PSD3: variants seen among roughly 807,000 people sequenced by gnomAD.
The protein encoded by PSD3 is PH and SEC7 domain-containing protein 3.
Under a neutral mutation model 105.5 loss-of-function variants are expected in PSD3, and 49 were observed. That is an observed-to-expected ratio of 0.46 (90% CI 0.37 to 0.59). PSD3 has a LOEUF of 0.59. PSD3 is among the 20% of genes least tolerant of loss of function. The pLI, the probability that PSD3 is intolerant of heterozygous loss-of-function variation, is 0.00. For missense variants in PSD3, 1,561 were observed against 1,263.8 expected, an observed-to-expected ratio of 1.24 and a Z score of -3.57; for synonymous variants, 557 against 457.8, an observed-to-expected ratio of 1.22 and a Z score of -2.77.
intron 9 of PSD3, among the ~76,000 whole-genome samples, chr8:18,727,161 C>A (rs1171410233): frequency 6.6e-6 from 1 of 151,868 alleles, no homozygotes. Context: ...CATGGTGAAG[C>A]CCCATCTCTA....
intron 2 of PSD3, among the ~76,000 whole-genome samples, chr8:18,933,276 A>T (rs1170139341): frequency 6.6e-6 from 1 of 152,146 alleles, no homozygotes; most frequent in African/African-American, 2.4e-5. Flanking sequence ...AAACTACTCA[A>T]AACCCACGAG....
intron 2 of PSD3, among the ~76,000 whole-genome samples, chr8:18,900,775 G>C (rs60257415): frequency 2.0e-5 from 3 of 150,792 alleles, no homozygotes; most frequent in Admixed American, 6.7e-5. Context: ...AAGTAGCTGA[G>C]ACTACAGGTG....
At chr8:18,577,384 ATG>A (rs1802525617) in intron 12 of PSD3, among the ~76,000 whole-genome samples, 1 of 151,996 alleles carries the variant, frequency 6.6e-6, no homozygotes, top group Non-Finnish European at 1.5e-5. Flanking sequence ...TGAGGAATGA[ATG>A]TGTCTTTATA....
chr8:18,550,492 C>A (rs1170454374), intron 15 of PSD3, among the ~76,000 whole-genome samples: 1 of 152,088 alleles, frequency 6.6e-6, no homozygotes, highest in Non-Finnish European at 1.5e-5. Flanking sequence ...AGGGTTATAT[C>A]CCAGATAAAC....
At chr8:18,714,639 G>A (rs1159317228) in intron 9 of PSD3, among the ~76,000 whole-genome samples, 1 of 152,202 alleles carries the variant, frequency 6.6e-6, no homozygotes, top group Non-Finnish European at 1.5e-5. Context: ...AACAGATGCT[G>A]GTGAGGCTTT....
At chr8:18,612,202 T>A (rs35119746) in intron 11 of PSD3, among the ~76,000 whole-genome samples, 33,614 of 152,158 alleles carry the variant, frequency 0.22, 3,973 homozygotes, top group Middle Eastern at 0.38. Flanking sequence ...AGTTTTTACT[T>A]CAGAGCACTG....
rs1799653405 is a variant in PSD3, at chr8:18,532,038, A to T, written c.*3705T>A. 1 of 152,248 alleles carries T rather than the reference A, an allele frequency of 6.6e-6. No individual in the cohort carries two copies. Among genetic ancestry groups the T allele is most frequent in the African/African-American group, 2.4e-5 (1 of 41,474 alleles). 9.4% of individuals were successfully genotyped at this position (152,248 alleles called of 1,614,324 possible). On this transcript the variant is annotated 3_prime_UTR_variant, in exon 16 of 16. Transcript: ENST00000327040. ...AACTCAATTTCAAGGACAATTAATG[A>T]AACCCAAAAGGTTTTGTTAGTAAGA...
intron 1 of PSD3, among the ~76,000 whole-genome samples, chr8:18,943,016 G>A (rs1286138723): frequency 6.6e-5 from 10 of 152,138 alleles, no homozygotes; most frequent in Non-Finnish European, 1.2e-4. Flanking sequence ...TGTAAAAGGA[G>A]GTGAATCTTT....
chr8:18,615,188 C>G (rs571377889), intron 11 of PSD3, among the ~76,000 whole-genome samples: 2 of 152,068 alleles, frequency 1.3e-5, no homozygotes, highest in South Asian at 4.2e-4. Context: ...CCTACTCCAC[C>G]CTGACTCATT....
At chr8:18,803,701 T>C (rs572973203) in intron 6 of PSD3, among the ~76,000 whole-genome samples, 1 of 152,066 alleles carries the variant, frequency 6.6e-6, no homozygotes, top group East Asian at 1.9e-4. Context: ...ATAATGTATA[T>C]ATCAATTTAC....
chr8:18,933,256 G>A (rs982434044), intron 2 of PSD3, among the ~76,000 whole-genome samples: 6 of 152,130 alleles, frequency 3.9e-5, no homozygotes, highest in Admixed American at 3.9e-4. Context: ...CTGAGCTGCT[G>A]ATACAGGGAA....
At chr8:18,795,645 C>G (rs921581473) in intron 8 of PSD3, among the ~76,000 whole-genome samples, 1 of 152,156 alleles carries the variant, frequency 6.6e-6, no homozygotes, top group Non-Finnish European at 1.5e-5. Flanking sequence ...ATACTTAACC[C>G]TCCTACCACC....
intron 4 of PSD3, among the ~76,000 whole-genome samples, chr8:18,820,288 T>C (rs558824502): frequency 6.6e-6 from 1 of 151,364 alleles, no homozygotes; most frequent in East Asian, 1.9e-4. Context: ...ATATGTAAAA[T>C]ATAAAATATA....
At chr8:18,654,441 C>T (rs1324526028) in intron 10 of PSD3, among the ~76,000 whole-genome samples, 1 of 152,060 alleles carries the variant, frequency 6.6e-6, no homozygotes, top group Non-Finnish European at 1.5e-5. Context: ...AAAATAAAAT[C>T]CACGAAGTTC....
intron 11 of PSD3, among the ~76,000 whole-genome samples, chr8:18,631,603 C>T (rs1263205762): frequency 6.6e-6 from 1 of 151,776 alleles, no homozygotes; most frequent in East Asian, 1.9e-4. Context: ...AAGATGGATT[C>T]ACTTGCTGTC....
intron 9 of PSD3, among the ~76,000 whole-genome samples, chr8:18,666,719 T>G (rs1799484435): frequency 7.0e-6 from 1 of 142,098 alleles, no homozygotes. Context: ...ACTATTGCTT[T>G]TTTTTGGGGG....
At chr8:18,962,755 C>T (rs1824001270) in intron 1 of PSD3, among the ~76,000 whole-genome samples, 1 of 152,198 alleles carries the variant, frequency 6.6e-6, no homozygotes, top group South Asian at 2.1e-4. Context: ...TGACTATATA[C>T]TATGAGCCAG....
At chr8:18,876,620 G>C (rs749870940) in intron 2 of PSD3, among the ~76,000 whole-genome samples, 1 of 151,864 alleles carries the variant, frequency 6.6e-6, no homozygotes, top group Non-Finnish European at 1.5e-5. Context: ...GGCTAGTCTT[G>C]AACTCCTGGG....
chr8:18,669,685 T>C (rs1231867072), intron 9 of PSD3, among the ~76,000 whole-genome samples: 1 of 152,218 alleles, frequency 6.6e-6, no homozygotes, highest in Non-Finnish European at 1.5e-5. Flanking sequence ...TTATGAAATG[T>C]TTGTCTCTAA....
Sources: allele counts gnomAD v4.1 joint callset (sites outside exome capture counted in the v4.1 genomes callset), GRCh38; gene constraint gnomAD v4.1.1; transcripts MANE v1.5; gene names NCBI Gene and HGNC (gene_info 2026-07-23, HGNC 2026-07-21).